RUFY1: variants seen among roughly 807,000 people sequenced by gnomAD.
The protein encoded by RUFY1 is RUN and FYVE domain containing 1.
A neutral mutation model predicts 94.6 loss-of-function variants in RUFY1; 54 were observed. That is an observed-to-expected ratio of 0.57 (90% CI 0.46 to 0.72). The LOEUF is 0.72. Ranked by LOEUF, RUFY1 falls within the 30% of genes least tolerant of loss-of-function variation. The pLI is 0.00. For missense variants in RUFY1, 883 were observed against 883.9 expected, an observed-to-expected ratio of 1.00 and a Z score of 0.01; for synonymous variants, 396 against 347.3, an observed-to-expected ratio of 1.14 and a Z score of -1.56.
At chr5:179,583,996 C>T (rs564253840) in intron 7 of RUFY1, among the ~76,000 whole-genome samples, 2 of 152,168 alleles carry the variant, frequency 1.3e-5, no homozygotes, top group Non-Finnish European at 2.9e-5. Context: ...GATCCGCCCG[C>T]CTCGGCCTCC....
intron 6 of RUFY1, 76 bp from the exon 7 acceptor site, chr5:179,580,870 TG>T: frequency 1.3e-6 from 1 of 786,450 alleles, no homozygotes; most frequent in South Asian, 1.7e-5. Context: ...ACAAGGTGAT[TG>T]GAATATTGGG....
chr5:179,588,884 T>A (rs1298609703), intron 8 of RUFY1, among the ~76,000 whole-genome samples: 1 of 151,684 alleles, frequency 6.6e-6, no homozygotes, highest in Non-Finnish European at 1.5e-5. Context: ...GCATGAGACA[T>A]CACTCCTGGC....
At chr5:179,592,622 G>A (rs549425917) in intron 10 of RUFY1, among the ~76,000 whole-genome samples, 3 of 152,274 alleles carry the variant, frequency 2.0e-5, no homozygotes, top group Admixed American at 6.5e-5. Context: ...AATTCTCTCC[G>A]TCATAACCTC....
At chr5:179,562,933 CT>C in intron 3 of RUFY1, 1 of 352,484 alleles carries the variant, frequency 2.8e-6, no homozygotes, top group Admixed American at 4.5e-5. Context: ...AAAGGAACTA[CT>C]GGTACACTCC....
At position 179,591,687 on chromosome 5, in the gene RUFY1, T is replaced by A. The variant is rs750672564; in HGVS notation, c.1191T>A (p.Asp397Glu). The A allele has an allele frequency of 1.9e-6, 3 of 1,613,488 alleles. No individual in the cohort carries two copies. The highest frequency in any genetic ancestry group is 2.5e-6 in the Non-Finnish European group (3 of 1,179,896). ...ETYKQTRQGLDEMYSDVWKQL... is the reference protein window; with the variant it reads ...ETYKQTRQGLEEMYSDVWKQL... Reference sequence around the variant, plus strand: ...ACAAGCAAACTCGGCAAGGTCTGGATGAAATGTACAGTGATGTGTGGAAGC... The same window carrying A: ...ACAAGCAAACTCGGCAAGGTCTGGAAGAAATGTACAGTGATGTGTGGAAGC... Residue 397 changes from aspartate (D) to glutamate (E), a missense_variant, in exon 10 of 18, where the codon GAT (aspartate) becomes GAA (glutamate). Asp to Glu is a conservative substitution (Grantham distance 45). Transcript: ENST00000319449.
At chr5:179,597,166 C>G (rs1322126789) in intron 13 of RUFY1, among the ~76,000 whole-genome samples, 1 of 152,196 alleles carries the variant, frequency 6.6e-6, no homozygotes, top group East Asian at 1.9e-4. Context: ...GATTCTTGTG[C>G]CTCAGCCTCC....
intron 3 of RUFY1, 59 bp downstream of exon 3, chr5:179,562,723 A>C: frequency 3.3e-6 from 3 of 903,904 alleles, no homozygotes; most frequent in Non-Finnish European, 5.5e-6. Flanking sequence ...ATATTTACTC[A>C]TTTCTCAATT....
At position 179,593,471 on chromosome 5, in the gene RUFY1, T is replaced by G; in HGVS notation, c.1246-7T>G. On this transcript the variant is annotated splice_region_variant and splice_polypyrimidine_tract_variant and intron_variant, in intron 10 of 17. Coordinates refer to ENST00000319449, the MANE Select transcript of RUFY1 (RefSeq NM_025158.5). ...AATAACATTTTCCTTGTAAATATCC[T>G]TTTAAGGAACTGGAAAAAGAACTGG... 6.3e-7 allele frequency: 1 copy of G among 1,585,214 alleles called. No homozygotes were observed.
At chr5:179,567,411 G>A in intron 3 of RUFY1, 50 bp from the exon 4 acceptor site, 1 of 1,370,418 alleles carries the variant, frequency 7.3e-7, no homozygotes, top group South Asian at 1.2e-5. Flanking sequence ...TGTCTTTTCT[G>A]TGTTTGTTGT....
At chr5:179,583,685 G>T (rs1454778355) in intron 7 of RUFY1, among the ~76,000 whole-genome samples, 1 of 150,076 alleles carries the variant, frequency 6.7e-6, no homozygotes, top group South Asian at 2.1e-4. Flanking sequence ...CAAAGTGCTG[G>T]GATTGCAGGT....
At chr5:179,580,024 G>A (rs1763993290) in intron 6 of RUFY1, among the ~76,000 whole-genome samples, 1 of 151,792 alleles carries the variant, frequency 6.6e-6, no homozygotes, top group Admixed American at 6.6e-5. Flanking sequence ...CTACCAGTCA[G>A]GAAATAATTG....
rs748319712 is a variant in RUFY1 at position 179,577,159 on chromosome 5, C to CTTTTTTTTTTTTT, written c.890+41_890+53dup. On this transcript the variant is annotated intron_variant, in intron 6 of 17. Transcript: ENST00000319449. ...GGAGTAAGTACTGCGTTGTATGTCA[C>CTTTTTTTTTTTTT]TTTTTTTTTTTTTTTTTTTTTTTTT... 1.1e-4 allele frequency: 20 copies of CTTTTTTTTTTTTT among 186,742 alleles called. 3 individuals are homozygous for CTTTTTTTTTTTTT. The highest frequency in any genetic ancestry group is 2.3e-4 in the African/African-American group (3 of 12,974). 11.6% of individuals were successfully genotyped at this position (186,742 alleles called of 1,614,324 possible).
At chr5:179,551,135 A>T (rs555364178) in intron 1 of RUFY1, among the ~76,000 whole-genome samples, 1 of 152,124 alleles carries the variant, frequency 6.6e-6, no homozygotes, top group Non-Finnish European at 1.5e-5. Flanking sequence ...TAGGTGAAGG[A>T]CGTGTGCGCG....
At chr5:179,607,738 C>T (rs1036474012) in intron 17 of RUFY1, 79 bp downstream of exon 17, 8 of 1,283,060 alleles carry the variant, frequency 6.2e-6, no homozygotes, top group African/African-American at 2.9e-5. Flanking sequence ...TTCCAGAAGC[C>T]CATATCAGAG....
intron 15 of RUFY1, 50 bp from the exon 16 acceptor site, chr5:179,605,826 G>A (rs1767015892): frequency 8.2e-7 from 1 of 1,222,692 alleles, no homozygotes; most frequent in South Asian, 1.2e-5. Context: ...TAGGGATTCA[G>A]AGCCTCACTC....
chr5:179,588,271 C>T (rs867756950), intron 8 of RUFY1, among the ~76,000 whole-genome samples: 2 of 152,106 alleles, frequency 1.3e-5, no homozygotes, highest in African/African-American at 2.4e-5. Context: ...TTCAGTGCTT[C>T]GAGGTCCCTC....
At position 179,596,405 on chromosome 5, in the gene RUFY1, G is replaced by C. The variant is rs1252899420; in HGVS notation, c.1512-157G>C. 3 of 934,136 alleles carry C rather than the reference G, an allele frequency of 3.2e-6. No homozygotes were observed. The Admixed American group carries it at 5.2e-5, about 16-fold the overall frequency. The allele number at this position is 934,136 out of a possible 1,614,324, so 57.9% of individuals were successfully genotyped here. The stretch of plus-strand genomic sequence containing the variant: ...GTTTTGGGAGTGGTGGGACCGTCCT[G>C]TATTCTGATTGTGGTGGAGCTGAAT... On this transcript the variant is annotated intron_variant, in intron 12 of 17. Transcript: ENST00000319449.
chr5:179,591,935 ATATT>A (rs1765146745), intron 10 of RUFY1, among the ~76,000 whole-genome samples, 194 bp downstream of exon 10: 1 of 151,942 alleles, frequency 6.6e-6, no homozygotes, highest in African/African-American at 2.4e-5. Flanking sequence ...CATTTTATAA[ATATT>A]TTTTGTTTGT....
intron 17 of RUFY1, chr5:179,608,321 C>A (rs893325338): frequency 2.3e-5 from 23 of 985,712 alleles, no homozygotes; most frequent in Non-Finnish European, 2.7e-5. Flanking sequence ...ACAGCTACCC[C>A]ACCCGCTCCC....
Sources: allele counts gnomAD v4.1 joint callset (sites outside exome capture counted in the v4.1 genomes callset), GRCh38; gene constraint gnomAD v4.1.1; transcripts MANE v1.5; gene names NCBI Gene and HGNC (gene_info 2026-07-23, HGNC 2026-07-21).